Variants in SNX29 observed in about 807,000 individuals in gnomAD.
SNX29 encodes the protein sorting nexin-29.
Under a neutral mutation model 102.1 loss-of-function variants are expected in SNX29, and 78 were observed. The ratio of observed to expected loss-of-function variants is 0.76; its 90% CI spans 0.64 to 0.92. The LOEUF is 0.92. Among genes scored for constraint, SNX29 ranks in the 40% least tolerant of loss-of-function variants. SNX29 has a pLI of 0.00. For missense variants in SNX29, 1,280 were observed against 1,061.7 expected (o/e 1.21, Z -2.86); for synonymous variants, 580 against 414.5 (o/e 1.40, Z -4.85).
At chr16:12,458,610 A>G (rs2151743823) in intron 18 of SNX29, among the ~76,000 whole-genome samples, 1 of 152,366 alleles carries the variant, frequency 6.6e-6, no homozygotes, top group South Asian at 2.1e-4. Context: ...AGGTTGTCCC[A>G]GCCAACAATT....
chr16:12,477,426 C>T (rs562259179), intron 18 of SNX29, among the ~76,000 whole-genome samples: 14 of 152,354 alleles, frequency 9.2e-5, no homozygotes, highest in African/African-American at 3.1e-4. Context: ...ATGACAGCAA[C>T]ATGAAACATG....
chr16:12,334,901 C>CT (rs36176543), intron 15 of SNX29, among the ~76,000 whole-genome samples: 9,936 of 93,748 alleles, frequency 0.11, 1,031 homozygotes, highest in African/African-American at 0.27. Flanking sequence ...GCCCCAGAGC[C>CT]TTTTTTTTTT....
intron 19 of SNX29, among the ~76,000 whole-genome samples, chr16:12,520,012 A>G (rs2090035788): frequency 6.6e-6 from 1 of 151,876 alleles, no homozygotes; most frequent in African/African-American, 2.4e-5. Flanking sequence ...TAAAAATAAT[A>G]ATAATAATAA....
chr16:12,462,249 T>G (rs1340158613), intron 18 of SNX29, among the ~76,000 whole-genome samples: 2 of 151,670 alleles, frequency 1.3e-5, no homozygotes, highest in African/African-American at 2.4e-5. Context: ...CGCCATTCAC[T>G]CTTGGACATT....
chr16:12,078,617 A>C (rs2051705301), intron 10 of SNX29, among the ~76,000 whole-genome samples: 1 of 152,206 alleles, frequency 6.6e-6, no homozygotes, highest in Admixed American at 6.5e-5. Flanking sequence ...AAAGCACCTC[A>C]AGTATTGACT....
At chr16:12,503,568 C>A in intron 19 of SNX29, among the ~76,000 whole-genome samples, 1 of 152,232 alleles carries the variant, frequency 6.6e-6, no homozygotes, top group Non-Finnish European at 1.5e-5. Flanking sequence ...CTAGCAAAGT[C>A]GTGAGAGGAA....
At chr16:12,247,331 A>C (rs115088541) in intron 14 of SNX29, among the ~76,000 whole-genome samples, 1,901 of 152,326 alleles carry the variant, frequency 0.012, 42 homozygotes, top group African/African-American at 0.043. Context: ...ATTTTTCGAC[A>C]AAACTCTATT....
At chr16:12,270,796 C>A (rs2079068692) in intron 14 of SNX29, among the ~76,000 whole-genome samples, 1 of 152,056 alleles carries the variant, frequency 6.6e-6, no homozygotes, top group Non-Finnish European at 1.5e-5. Context: ...AATCCCAGCA[C>A]TTTGGGAGGG....
rs926802496 is a variant in SNX29 at position 12,491,978 on chromosome 16, C to T, written c.2178+14119C>T. On this transcript the variant is annotated intron_variant, in intron 19 of 20. Coordinates refer to ENST00000566228, the MANE Select transcript of SNX29 (RefSeq NM_032167.5). ...AAGTCTTTGCTATTGTGAATAGTGC[C>T]GCAATAAACATACGTGTGCGTGTGT... 1.4e-4 allele frequency among the ~76,000 whole-genome samples: 21 copies of T among 152,196 alleles called. No homozygotes were observed. In the East Asian group the frequency reaches 3.1e-3, roughly 22 times the overall value.
At chr16:12,023,822 C>G (rs1189688721) in intron 3 of SNX29, among the ~76,000 whole-genome samples, 3 of 152,140 alleles carry the variant, frequency 2.0e-5, no homozygotes, top group Non-Finnish European at 4.4e-5. Context: ...CAGGTGTGCT[C>G]TACTTGATTC....
chr16:12,252,925 A>G (rs369615155), intron 14 of SNX29, among the ~76,000 whole-genome samples: 6 of 152,214 alleles, frequency 3.9e-5, no homozygotes, highest in Non-Finnish European at 7.3e-5. Flanking sequence ...CCACTCCTTC[A>G]TCGCAAGCCA....
At chr16:12,425,884 T>G (rs2085056609) in intron 18 of SNX29, among the ~76,000 whole-genome samples, 1 of 152,168 alleles carries the variant, frequency 6.6e-6, no homozygotes, top group Non-Finnish European at 1.5e-5. Flanking sequence ...CCATTTCTGC[T>G]GTACCCACAA....
intron 13 of SNX29, among the ~76,000 whole-genome samples, chr16:12,130,987 C>T (rs1426595085): frequency 6.6e-6 from 1 of 151,890 alleles, no homozygotes; most frequent in Admixed American, 6.6e-5. Flanking sequence ...TGTTTTTTTC[C>T]TGTATGAGTA....
intron 1 of SNX29, among the ~76,000 whole-genome samples, chr16:11,990,496 G>T (rs1269205960): frequency 6.6e-6 from 1 of 152,138 alleles, no homozygotes; most frequent in Non-Finnish European, 1.5e-5. Context: ...ATATTGGGCA[G>T]CCCTTTCTGC....
intron 20 of SNX29, among the ~76,000 whole-genome samples, chr16:12,547,667 T>C (rs1464078714): frequency 6.6e-6 from 1 of 151,974 alleles, no homozygotes; most frequent in Admixed American, 6.6e-5. Context: ...AAGCACCATC[T>C]CCTGTAATAA....
intron 11 of SNX29, among the ~76,000 whole-genome samples, chr16:12,084,837 G>A (rs937141315): frequency 2.9e-4 from 44 of 152,312 alleles, no homozygotes; most frequent in Admixed American, 7.2e-4. Flanking sequence ...GGGAGGCCAA[G>A]GTGGGCAGAT....
Position 12,138,178 on chromosome 16 carries a change from G to A in SNX29, c.1595+8420G>A, listed in dbSNP as rs552694166. 1.0e-4 allele frequency among the ~76,000 whole-genome samples: 12 copies of A among 116,488 alleles called. No homozygotes were observed. The East Asian group carries it at 3.7e-3, about 36-fold the overall frequency. The allele number at this position is 116,488 out of a possible 152,430, so 76.4% of individuals were successfully genotyped here. A position where few individuals can be genotyped will look rare whatever the true frequency, so the allele number is the denominator to read the frequency against. On this transcript the variant is annotated intron_variant, in intron 13 of 20. Transcript: ENST00000566228. ...AGGCCAAGATGGCAGCATTGTACAC[G>A]AGACTGAAAAAAAAAGAATTTGTCA...
At chr16:12,063,118 G>T (rs1437125888) in intron 9 of SNX29, among the ~76,000 whole-genome samples, 1 of 152,136 alleles carries the variant, frequency 6.6e-6, no homozygotes, top group East Asian at 1.9e-4. Flanking sequence ...TGTGAGAGTG[G>T]GGGGTGTGAT....
intron 10 of SNX29, among the ~76,000 whole-genome samples, chr16:12,078,457 A>AG (rs1409339928): frequency 3.9e-5 from 6 of 152,210 alleles, no homozygotes; most frequent in African/African-American, 1.4e-4. Context: ...GTGGAAAAAA[A>AG]AATGCTAAAA....
Sources: gnomAD v4.1 joint callset for allele counts (sites outside exome capture counted in the v4.1 genomes callset) on GRCh38, gnomAD v4.1.1 for gene constraint, MANE v1.5 for transcripts, NCBI Gene and HGNC (gene_info 2026-07-23, HGNC 2026-07-21) for gene names.